The following KCNQ3 variants were observed in gnomAD, a reference collection of about 807,000 sequenced individuals.
KCNQ3 encodes potassium voltage-gated channel subfamily Q member 3.
A neutral mutation model predicts 92.5 loss-of-function variants in KCNQ3; 30 were observed. That is an observed-to-expected ratio of 0.32 (90% CI 0.24 to 0.44). The LOEUF (loss-of-function observed/expected upper bound fraction) is 0.44, where lower values mean the gene tolerates loss of function less well. Ranked by LOEUF, KCNQ3 falls within the 20% of genes least tolerant of loss-of-function variation. The pLI is 1.00. For missense variants in KCNQ3, 913 were observed against 1,140.3 expected (o/e 0.80, Z 2.87); for synonymous variants, 450 against 468.8 (o/e 0.96, Z 0.52).
intron 1 of KCNQ3, among the ~76,000 whole-genome samples, chr8:132,194,753 T>G (rs1827258647): frequency 1.3e-5 from 2 of 152,246 alleles, no homozygotes; most frequent in African/African-American, 2.4e-5. Flanking sequence ...AAAATTTGAT[T>G]AGCTGGAAAT....
intron 3 of KCNQ3, 75 bp from the exon 4 acceptor site, chr8:132,180,404 G>A (rs1826721211): frequency 1.9e-6 from 3 of 1,541,552 alleles, no homozygotes; most frequent in Non-Finnish European, 2.7e-6. Flanking sequence ...GTCATCATAG[G>A]TGCTGTTTGC....
intron 1 of KCNQ3, among the ~76,000 whole-genome samples, chr8:132,400,934 C>T (rs1323741710): frequency 2.6e-5 from 4 of 152,204 alleles, no homozygotes. Flanking sequence ...CCTGTCCAGG[C>T]CCCTGACATG....
intron 1 of KCNQ3, among the ~76,000 whole-genome samples, chr8:132,245,823 T>C (rs1815154854): frequency 1.3e-5 from 2 of 152,254 alleles, no homozygotes; most frequent in Non-Finnish European, 2.9e-5. Flanking sequence ...CATGCCTTCC[T>C]AGGCAATTTT....
At chr8:132,384,338 T>C (rs966993959) in intron 1 of KCNQ3, among the ~76,000 whole-genome samples, 3 of 152,234 alleles carry the variant, frequency 2.0e-5, no homozygotes, top group African/African-American at 7.2e-5. Context: ...AATGAGCGAT[T>C]TCTTCACAAG....
intron 1 of KCNQ3, among the ~76,000 whole-genome samples, chr8:132,244,701 C>T (rs1374748334): frequency 3.9e-5 from 6 of 152,156 alleles, no homozygotes; most frequent in Admixed American, 3.9e-4. Flanking sequence ...GTTTGAGGAT[C>T]TCCAATTCAA....
chr8:132,241,542 A>C (rs1814998486), intron 1 of KCNQ3, among the ~76,000 whole-genome samples: 1 of 151,860 alleles, frequency 6.6e-6, no homozygotes, highest in Non-Finnish European at 1.5e-5. Flanking sequence ...CCTTAGAAAA[A>C]CACTCATTGG....
chr8:132,291,410 T>C (rs1816830576), intron 1 of KCNQ3, among the ~76,000 whole-genome samples: 1 of 152,190 alleles, frequency 6.6e-6, no homozygotes, highest in African/African-American at 2.4e-5. Context: ...CTGCTTATTA[T>C]TGTTGTTGTT....
chr8:132,209,592 A>C (rs1176348566), intron 1 of KCNQ3, among the ~76,000 whole-genome samples: 1 of 152,026 alleles, frequency 6.6e-6, no homozygotes, highest in African/African-American at 2.4e-5. Context: ...TACTTACAAT[A>C]GTTTGACTTT....
chr8:132,409,474 AT>A (rs1332115379), intron 1 of KCNQ3, among the ~76,000 whole-genome samples: 9 of 151,626 alleles, frequency 5.9e-5, no homozygotes, highest in African/African-American at 2.4e-5. Flanking sequence ...AAAAAAAAAA[AT>A]AGCTCATCCT....
chr8:132,232,224 G>C (rs1489549480), intron 1 of KCNQ3, among the ~76,000 whole-genome samples: 2 of 152,174 alleles, frequency 1.3e-5, no homozygotes, highest in African/African-American at 2.4e-5. Flanking sequence ...TGTAGCACCA[G>C]AGCTTCTTAA....
intron 1 of KCNQ3, among the ~76,000 whole-genome samples, chr8:132,333,827 G>A (rs1056468574): frequency 2.6e-5 from 4 of 151,546 alleles, no homozygotes; most frequent in Admixed American, 6.6e-5. Flanking sequence ...TCCGGTTCCC[G>A]AGTTCAAGTG....
chr8:132,346,970 ATGT>A (rs1261483708), intron 1 of KCNQ3, among the ~76,000 whole-genome samples: 2 of 152,202 alleles, frequency 1.3e-5, no homozygotes, highest in South Asian at 4.2e-4. Context: ...CAGGGCCCTG[ATGT>A]TGTTTCGACG....
At chr8:132,200,312 T>A (rs73356969) in intron 1 of KCNQ3, among the ~76,000 whole-genome samples, 4,191 of 151,834 alleles carry the variant, frequency 0.028, 227 homozygotes, top group African/African-American at 0.098. Context: ...GCCACTGTAT[T>A]TGTTTAATTA....
intron 10 of KCNQ3, chr8:132,140,468 C>A (rs1825254699): frequency 5.1e-6 from 2 of 391,282 alleles, no homozygotes; most frequent in South Asian, 6.8e-5. Flanking sequence ...CCAGAGTGGC[C>A]CCCAGAGCCA....
chr8:132,141,350 T>A lies in KCNQ3; in HGVS notation c.1263-19A>T. 1 of 1,611,574 alleles carries A rather than the reference T, an allele frequency of 6.2e-7. No individual in the cohort carries two copies. Among genetic ancestry groups the A allele is most frequent in the East Asian group, 2.2e-5 (1 of 44,854 alleles). On this transcript the variant is annotated intron_variant, in intron 9 of 14. Coordinates refer to ENST00000388996, the MANE Select transcript of KCNQ3 (RefSeq NM_004519.4). ...CTTTTGGCTACAAAATAAGCAAAAG[T>A]GAACAATTTTCCTCCTTCAGTGCAG... is the stretch of plus-strand genomic sequence containing the variant.
chr8:132,343,110 G>A lies in KCNQ3; in HGVS notation c.386+137037C>T, dbSNP rs148465449. 9.8e-5 allele frequency among the ~76,000 whole-genome samples: 15 copies of A among 152,350 alleles called. No individual in the cohort carries two copies. The East Asian group carries it at 2.5e-3, about 25-fold the overall frequency. On this transcript the variant is annotated intron_variant, in intron 1 of 14. Transcript: ENST00000388996. ...GCTGTAACACTGAACATAGTGTAAG[G>A]ACTGCTGGGACTGCTCACCTCTTCA...
chr8:132,140,032 G>A, intron 11 of KCNQ3, 44 bp downstream of exon 11: 4 of 1,315,960 alleles, frequency 3.0e-6, no homozygotes, highest in Non-Finnish European at 4.2e-6. Flanking sequence ...TTGAGCTGGA[G>A]CGGGGGAGGC....
chr8:132,299,956 TC>T (rs1817162801), intron 1 of KCNQ3, among the ~76,000 whole-genome samples: 1 of 152,194 alleles, frequency 6.6e-6, no homozygotes. Context: ...CTCTTAGAAC[TC>T]CCTGGACATC....
At chr8:132,403,489 T>C (rs975038078) in intron 1 of KCNQ3, among the ~76,000 whole-genome samples, 2 of 152,206 alleles carry the variant, frequency 1.3e-5, no homozygotes, top group African/African-American at 4.8e-5. Context: ...TAATTAGCAA[T>C]TGGGGTGTTA....
Sources: gnomAD v4.1 joint callset for allele counts (sites outside exome capture counted in the v4.1 genomes callset) on GRCh38, gnomAD v4.1.1 for gene constraint, MANE v1.5 for transcripts, NCBI Gene and HGNC (gene_info 2026-07-23, HGNC 2026-07-21) for gene names.